CA13: variants seen among roughly 807,000 people sequenced by gnomAD.
The protein encoded by CA13 is carbonic anhydrase 13.
Under a neutral mutation model 31.5 loss-of-function variants are expected in CA13, and 21 were observed. The observed-to-expected ratio is 0.67, with a 90% confidence interval of 0.47 to 0.96. The LOEUF (loss-of-function observed/expected upper bound fraction) is 0.96. Ranked by LOEUF, CA13 falls within the 40% of genes least tolerant of loss-of-function variation. CA13 has a pLI of 0.00. For synonymous variants in CA13, 117 were observed against 111.4 expected, an observed-to-expected ratio of 1.05 and a Z score of -0.32; for missense variants, 315 against 318.9, an observed-to-expected ratio of 0.99 and a Z score of 0.09.
rs1055334351 is a variant in CA13, at chr8:85,282,126, T to A, written c.*777T>A. The A allele has an allele frequency of 6.6e-6, 1 of 152,214 alleles. No individual in the cohort carries two copies. Among genetic ancestry groups the A allele is most frequent in the African/African-American group, 2.4e-5 (1 of 41,458 alleles). The allele number at this position is 152,214 out of a possible 1,614,324, so 9.4% of individuals were successfully genotyped here. ...CCAGTTCATAAAAAGTAGATTACGT[T>A]TTCCTATAAGGATAATTTTTGCAGT... On this transcript the variant is annotated 3_prime_UTR_variant, in exon 7 of 7. Coordinates refer to ENST00000321764, the MANE Select transcript of CA13 (RefSeq NM_198584.3).
chr8:85,265,468 TG>T, intron 3 of CA13, among the ~76,000 whole-genome samples: 1 of 152,344 alleles, frequency 6.6e-6, no homozygotes, highest in Non-Finnish European at 1.5e-5. Flanking sequence ...CTTTAGGTGT[TG>T]CATAAGGCCG....
At chr8:85,266,476 C>G (rs1807458793) in intron 3 of CA13, 132 bp from the exon 4 acceptor site, 1 of 650,366 alleles carries the variant, frequency 1.5e-6, no homozygotes. Context: ...AGGATTCTGT[C>G]CAAGATTCTT....
rs1430397872 is a variant in CA13, at chr8:85,281,602, T to C, written c.*253T>C. ...GTCTTGGCTAATTGCAGCCTCCAAC[T>C]CCTGGACTCAAGTGATCCTCCCACC... On this transcript the variant is annotated 3_prime_UTR_variant, in exon 7 of 7. Coordinates refer to ENST00000321764, the MANE Select transcript of CA13 (RefSeq NM_198584.3). 1.0e-5 allele frequency: 8 copies of C among 764,644 alleles called. No individual in the cohort carries two copies. The highest frequency in any genetic ancestry group is 1.4e-5 in the Non-Finnish European group (8 of 584,216). 47.4% of individuals were successfully genotyped at this position (764,644 alleles called of 1,614,324 possible). A position where few individuals can be genotyped will look rare whatever the true frequency, so the allele number is the denominator to read the frequency against.
In CA13 at chr8:85,259,473, T is replaced by C. The variant is rs778204863; in HGVS notation, c.288T>C (p.Leu96=). 10 of 1,614,096 alleles carry C rather than the reference T, an allele frequency of 6.2e-6. No homozygotes were observed. Among genetic ancestry groups the C allele is most frequent in the Non-Finnish European group, 8.5e-6 (10 of 1,179,996 alleles). The change falls in exon 3 of 7, where the codon CTT becomes CTC. Residue 96 remains leucine (L), a synonymous_variant. Coordinates refer to ENST00000321764, the MANE Select transcript of CA13 (RefSeq NM_198584.3). The stretch of plus-strand genomic sequence containing the variant: ...GCTACAGGTTACGGCAGGTTCACCT[T>C]CACTGGGGGTCCGCTGATGACCACG... ...TGSYRLRQVH[L]HWGSADDHGS...
In CA13 at chr8:85,245,646, C is replaced by T. The variant is rs939381410; in HGVS notation, c.-183C>T. The T allele has an allele frequency of 4.2e-5, 27 of 647,376 alleles. No homozygotes were observed. The East Asian group carries it at 7.4e-4, about 18-fold the overall frequency. The allele number at this position is 647,376 out of a possible 1,614,324, so 40.1% of individuals were successfully genotyped here. On this transcript the variant is annotated 5_prime_UTR_variant, in exon 1 of 7. Coordinates refer to ENST00000321764, the MANE Select transcript of CA13 (RefSeq NM_198584.3). ...CAGCCAGCGGCGCGGGCGCCTTCCCCGCACGCCTCTGCCGTCTGGAGGACG... is the reference window on the plus strand; with the variant it reads ...CAGCCAGCGGCGCGGGCGCCTTCCCTGCACGCCTCTGCCGTCTGGAGGACG...
intron 6 of CA13, among the ~76,000 whole-genome samples, chr8:85,275,484 G>A (rs886785529): frequency 6.6e-6 from 1 of 152,112 alleles, no homozygotes; most frequent in Non-Finnish European, 1.5e-5. Flanking sequence ...TCATGGTAAG[G>A]GCGATGCGTT....
rs554389831 is a variant in CA13 at position 85,251,608 on chromosome 8, G to C, written c.235+671G>C. Among the ~76,000 whole-genome samples the C allele has an allele frequency of 4.1e-4, 45 of 110,242 alleles. 2 individuals carry two copies. In the South Asian group the frequency reaches 0.012, roughly 29 times the overall value. The allele number at this position is 110,242 out of a possible 152,430, so 72.3% of individuals were successfully genotyped here. On this transcript the variant is annotated intron_variant, in intron 2 of 6. Transcript: ENST00000321764. ...AGCCGTAATTATTTTAGCATTATTT[G>C]CAAACCTATAATGCCATTTAAGTAC...
At chr8:85,279,939 G>A (rs1807673211) in intron 6 of CA13, among the ~76,000 whole-genome samples, 1 of 151,872 alleles carries the variant, frequency 6.6e-6, no homozygotes, top group Non-Finnish European at 1.5e-5. Flanking sequence ...GTAATAGTAC[G>A]TTGTAAACAT....
chr8:85,273,634 G>A (rs117476454), intron 6 of CA13, among the ~76,000 whole-genome samples: 3 of 151,928 alleles, frequency 2.0e-5, no homozygotes, highest in East Asian at 3.9e-4. Context: ...CCTGAAGACC[G>A]AGAGGGAGGC....
At chr8:85,249,185 G>A (rs1013223824) in intron 1 of CA13, among the ~76,000 whole-genome samples, 1 of 152,100 alleles carries the variant, frequency 6.6e-6, no homozygotes, top group Non-Finnish European at 1.5e-5. Flanking sequence ...GCAAAAATGA[G>A]GCATAGTAAG....
At chr8:85,258,308 T>C (rs1421263121) in intron 2 of CA13, among the ~76,000 whole-genome samples, 1 of 152,182 alleles carries the variant, frequency 6.6e-6, no homozygotes, top group East Asian at 1.9e-4. Context: ...AGCTTTTCTA[T>C]ATACTTAAGA....
chr8:85,265,273 C>T (rs1807440797), intron 3 of CA13, among the ~76,000 whole-genome samples: 1 of 152,170 alleles, frequency 6.6e-6, no homozygotes, highest in Non-Finnish European at 1.5e-5. Flanking sequence ...GCTTGATCAC[C>T]ATTTATGATT....
intron 6 of CA13, among the ~76,000 whole-genome samples, chr8:85,270,928 A>G (rs1157736412): frequency 1.3e-5 from 2 of 152,226 alleles, no homozygotes; most frequent in African/African-American, 4.8e-5. Flanking sequence ...TGTGGCTTTT[A>G]TGCAGAGCAG....
chr8:85,281,011 A>T (rs1438962746), intron 6 of CA13, among the ~76,000 whole-genome samples: 1 of 152,172 alleles, frequency 6.6e-6, no homozygotes, highest in African/African-American at 2.4e-5. Context: ...CTGGTCTCAA[A>T]TTAAAAATGC....
intron 6 of CA13, among the ~76,000 whole-genome samples, chr8:85,275,107 C>T (rs1465710672): frequency 2.6e-5 from 4 of 152,108 alleles, no homozygotes; most frequent in East Asian, 1.9e-4. Context: ...CTGGGGTATG[C>T]GGCATAAGGG....
intron 3 of CA13, among the ~76,000 whole-genome samples, 172 bp downstream of exon 3, chr8:85,259,711 G>A (rs144067741): frequency 1.8e-4 from 28 of 152,316 alleles, no homozygotes; most frequent in African/African-American, 6.5e-4. Flanking sequence ...AGCTTCAGAT[G>A]TTGCCCTCCT....
At chr8:85,254,782 T>TTTG in intron 2 of CA13, among the ~76,000 whole-genome samples, 1 of 151,668 alleles carries the variant, frequency 6.6e-6, no homozygotes, top group South Asian at 2.1e-4. Context: ...GTTTTTTTTT[T>TTTG]TTTTTTGGTT....
At chr8:85,266,330 A>G (rs1220825753) in intron 3 of CA13, among the ~76,000 whole-genome samples, 1 of 152,182 alleles carries the variant, frequency 6.6e-6, no homozygotes, top group East Asian at 1.9e-4. Flanking sequence ...AGCTGGGACT[A>G]CAGTCATGTA....
chr8:85,276,526 A>T (rs1050997446), intron 6 of CA13, among the ~76,000 whole-genome samples: 5 of 152,240 alleles, frequency 3.3e-5, no homozygotes, highest in Non-Finnish European at 5.9e-5. Context: ...CTTTATGTCT[A>T]GCTAAGGGAT....
Sources: gnomAD v4.1 joint callset for allele counts (sites outside exome capture counted in the v4.1 genomes callset) on GRCh38, gnomAD v4.1.1 for gene constraint, MANE v1.5 for transcripts, NCBI Gene and HGNC (gene_info 2026-07-23, HGNC 2026-07-21) for gene names.